ERAP1: variants seen among roughly 807,000 people sequenced by gnomAD.
The protein encoded by ERAP1 is endoplasmic reticulum aminopeptidase 1.
Under a neutral mutation model 103.7 loss-of-function variants are expected in ERAP1, and 86 were observed. That is an observed-to-expected ratio of 0.83 (90% confidence interval 0.70 to 0.99). The LOEUF (loss-of-function observed/expected upper bound fraction) is 0.99. ERAP1 is among the 50% of genes least tolerant of loss of function. The pLI is 0.00. For synonymous variants in ERAP1, 398 were observed against 402.4 expected (o/e 0.99, Z 0.13); for missense variants, 1,009 against 1,128.4 (o/e 0.89, Z 1.52).
At chr5:96,926,042 C>G in the ERAP1 span, among the ~76,000 whole-genome samples, 5 of 151,324 alleles carry the variant, frequency 3.3e-5, no homozygotes, top group African/African-American at 1.2e-4. Context: ...TCCCAAGTAG[C>G]TGGGACTACA....
the ERAP1 span, among the ~76,000 whole-genome samples, chr5:96,898,989 T>G: frequency 6.6e-6 from 1 of 152,280 alleles, no homozygotes; most frequent in Non-Finnish European, 1.5e-5. Context: ...AATCTATCAT[T>G]TGGTGTGCAT....
At position 96,775,427 on chromosome 5, in the gene ERAP1, CAG is replaced by C. The variant is rs1774039661; in HGVS notation, c.*967_*968del. ...ATTGTAAAGTAGGCCAAATAAGAAG[CAG>C]AGAGAGAAAAAAAATCACCTCCCTA... On this transcript the variant is annotated 3_prime_UTR_variant, in exon 19 of 19. Coordinates refer to ENST00000443439, the MANE Select transcript of ERAP1 (RefSeq NM_001040458.3). 1.0e-6 allele frequency: 1 copy of C among 985,382 alleles called. No individual in the cohort carries two copies. The highest frequency in any genetic ancestry group is 1.2e-6 in the Non-Finnish European group (1 of 829,894). 61.0% of individuals were successfully genotyped at this position (985,382 alleles called of 1,614,324 possible).
At chr5:96,884,257 T>C in the ERAP1 span, among the ~76,000 whole-genome samples, 1 of 152,200 alleles carries the variant, frequency 6.6e-6, no homozygotes, top group Non-Finnish European at 1.5e-5. Context: ...GAGCAGTACT[T>C]CTCAAACTTT....
At chr5:96,899,800 T>C in the ERAP1 span, among the ~76,000 whole-genome samples, 1 of 152,138 alleles carries the variant, frequency 6.6e-6, no homozygotes, top group Non-Finnish European at 1.5e-5. Context: ...AATAATAAAA[T>C]AGGACCTTTC....
the ERAP1 span, among the ~76,000 whole-genome samples, chr5:96,816,063 C>G: frequency 2.6e-5 from 4 of 152,076 alleles, no homozygotes; most frequent in Admixed American, 1.3e-4. Flanking sequence ...ACACGTTAGC[C>G]AGAAAATGTA....
chr5:96,807,439 G>C (rs1778758730), intron 1 of ERAP1, among the ~76,000 whole-genome samples: 1 of 152,174 alleles, frequency 6.6e-6, no homozygotes, highest in Non-Finnish European at 1.5e-5. Flanking sequence ...TTGGCCTCGC[G>C]CGGGCGTCGG....
At chr5:96,795,206 C>G (rs760934613) in intron 4 of ERAP1, 44 bp from the exon 5 acceptor site, 7 of 1,608,362 alleles carry the variant, frequency 4.4e-6, no homozygotes, top group Non-Finnish European at 5.9e-6. Context: ...TCTTAACTGG[C>G]TTCTCTCCCC....
chr5:96,863,288 A>T, the ERAP1 span, among the ~76,000 whole-genome samples: 3 of 151,980 alleles, frequency 2.0e-5, no homozygotes, highest in African/African-American at 7.2e-5. Context: ...TCTACACCAG[A>T]ACCTCTACAG....
intron 19 of ERAP1, chr5:96,767,922 C>T: frequency 6.2e-7 from 1 of 1,612,898 alleles, no homozygotes. Context: ...TGCAGATGAC[C>T]AAGACCCCAT....
intron 15 of ERAP1, among the ~76,000 whole-genome samples, chr5:96,782,730 C>T (rs886201384): frequency 2.0e-5 from 3 of 152,200 alleles, no homozygotes; most frequent in African/African-American, 7.2e-5. Context: ...AAAGAAACTA[C>T]TATAAAATAC....
the ERAP1 span, among the ~76,000 whole-genome samples, chr5:96,874,642 G>T: frequency 2.0e-5 from 3 of 152,110 alleles, no homozygotes; most frequent in African/African-American, 7.2e-5. Flanking sequence ...CTTATGTTTC[G>T]GGCCTTAGGT....
chr5:96,820,693 T>C, the ERAP1 span, among the ~76,000 whole-genome samples: 1 of 152,242 alleles, frequency 6.6e-6, no homozygotes, highest in African/African-American at 2.4e-5. Context: ...GATTAGTTAG[T>C]TGCCAGATTA....
At chr5:96,903,054 C>T in the ERAP1 span, among the ~76,000 whole-genome samples, 1 of 152,150 alleles carries the variant, frequency 6.6e-6, no homozygotes, top group Non-Finnish European at 1.5e-5. Flanking sequence ...ACAAGGACAT[C>T]ATCAAATTAA....
At chr5:96,798,871 C>T (rs866507850) in intron 3 of ERAP1, among the ~76,000 whole-genome samples, 14 of 124,874 alleles carry the variant, frequency 1.1e-4, no homozygotes, top group Non-Finnish European at 2.0e-4. Context: ...CAAAAATTTC[C>T]TTTTTTTTTT....
the ERAP1 span, among the ~76,000 whole-genome samples, chr5:96,836,539 A>C: frequency 6.6e-6 from 1 of 152,204 alleles, no homozygotes; most frequent in Non-Finnish European, 1.5e-5. Flanking sequence ...GGGAGACCTA[A>C]CTAGTAGATC....
At chr5:96,879,824 A>C in the ERAP1 span, 1 of 1,614,176 alleles carries the variant, frequency 6.2e-7, no homozygotes, top group Non-Finnish European at 8.5e-7. Context: ...TTATCACTTC[A>C]CTGAGGATCC....
chr5:96,803,498 G>C lies in ERAP1; in HGVS notation c.429C>G (p.Leu143=). The change falls in exon 2 of 19, where the codon CTC becomes CTG. Residue 143 remains leucine, a synonymous_variant. Coordinates refer to ENST00000443439, the MANE Select transcript of ERAP1 (RefSeq NM_001040458.3). ...CATAGTGAATGACAACTGTGTACGG[G>C]AGCCCGACAAGGAGGGGCTCGGGAG... is the stretch of plus-strand genomic sequence containing the variant. ...LLAPEPLLVG[L]PYTVVIHYAG... The C allele has an allele frequency of 1.2e-6, 2 of 1,613,458 alleles. No individual in the cohort carries two copies. The highest frequency in any genetic ancestry group is 1.7e-6 in the Non-Finnish European group (2 of 1,179,566).
chr5:96,860,288 A>T, the ERAP1 span, among the ~76,000 whole-genome samples: 1 of 152,120 alleles, frequency 6.6e-6, no homozygotes, highest in African/African-American at 2.4e-5. Flanking sequence ...TCCTGACCTC[A>T]GGTGATCCAC....
chr5:96,838,210 C>T, the ERAP1 span, among the ~76,000 whole-genome samples: 1 of 152,172 alleles, frequency 6.6e-6, no homozygotes, highest in Admixed American at 6.5e-5. Flanking sequence ...TGCCTCCTGT[C>T]CCTATCATTA....
Sources: allele counts gnomAD v4.1 joint callset (sites outside exome capture counted in the v4.1 genomes callset), GRCh38; gene constraint gnomAD v4.1.1; transcripts MANE v1.5; gene names NCBI Gene and HGNC (gene_info 2026-07-23, HGNC 2026-07-21).